ADGB: variants seen among roughly 807,000 people sequenced by gnomAD.
ADGB encodes the protein calpain-7-like protein.
Under a neutral mutation model 210.5 loss-of-function variants are expected in ADGB, and 172 were observed. The ratio of observed to expected loss-of-function variants is 0.82; its 90% confidence interval spans 0.72 to 0.93. The LOEUF (loss-of-function observed/expected upper bound fraction) is 0.93, where lower values mean the gene tolerates loss of function less well. ADGB is among the 40% of genes least tolerant of loss of function. The pLI is 0.00. For missense variants in ADGB, 2,025 were observed against 1,964.8 expected (o/e 1.03, Z -0.58); for synonymous variants, 658 against 662.7 (o/e 0.99, Z 0.11).
chr6:146,622,052 A>G (rs941788586), intron 1 of ADGB, among the ~76,000 whole-genome samples: 1 of 152,140 alleles, frequency 6.6e-6, no homozygotes, highest in Non-Finnish European at 1.5e-5. Context: ...AACACTTGAC[A>G]TGGTTTATCT....
intron 9 of ADGB, among the ~76,000 whole-genome samples, 190 bp downstream of exon 9, chr6:146,676,631 GT>G (rs1365387303): frequency 2.0e-5 from 3 of 152,172 alleles, no homozygotes; most frequent in Non-Finnish European, 4.4e-5. Flanking sequence ...GAAGCCTGTT[GT>G]CCAAATTACA....
At chr6:146,607,728 C>A (rs1402623948) in intron 1 of ADGB, among the ~76,000 whole-genome samples, 1 of 152,104 alleles carries the variant, frequency 6.6e-6, no homozygotes, top group African/African-American at 2.4e-5. Flanking sequence ...ACCTTGCATC[C>A]CATGAATAAT....
chr6:146,733,245 G>A lies in ADGB; in HGVS notation c.2646G>A (p.Glu882=). 2 of 1,521,194 alleles carry A rather than the reference G, an allele frequency of 1.3e-6. No homozygotes were observed. Among genetic ancestry groups the A allele is most frequent in the South Asian group, 1.3e-5 (1 of 78,164 alleles). 94.2% of individuals were successfully genotyped at this position (1,521,194 alleles called of 1,614,324 possible). A position where few individuals can be genotyped will look rare whatever the true frequency, so the allele number is the denominator to read the frequency against. Residue 882 remains glutamate, a synonymous_variant, in exon 21 of 36, where the codon GAG becomes GAA. Transcript: ENST00000397944. ...AGTTACTCAATTCCTCCTTGGAAGA[G>A]GTTTCTTTAGGTACCCATGAATTGT... ...DLELLNSSLE[E]VSLVEWLDVK...
intron 11 of ADGB, among the ~76,000 whole-genome samples, chr6:146,691,497 TATA>T (rs1421412547): frequency 8.1e-4 from 21 of 25,922 alleles, no homozygotes; most frequent in Non-Finnish European, 1.1e-3. Flanking sequence ...TATATATATA[TATA>T]TTTTTTTTTT....
intron 12 of ADGB, among the ~76,000 whole-genome samples, chr6:146,699,945 A>T (rs1776466291): frequency 6.6e-6 from 1 of 152,184 alleles, no homozygotes; most frequent in Non-Finnish European, 1.5e-5. Flanking sequence ...TGAAATTCTA[A>T]TACCCAGATA....
intron 1 of ADGB, among the ~76,000 whole-genome samples, chr6:146,602,598 G>A (rs1195742675): frequency 6.6e-6 from 1 of 152,176 alleles, no homozygotes; most frequent in Admixed American, 6.5e-5. Flanking sequence ...CAGTTCTGGA[G>A]GCTAGAAGTC....
intron 1 of ADGB, among the ~76,000 whole-genome samples, chr6:146,610,951 T>C (rs1322754088): frequency 6.6e-6 from 1 of 152,056 alleles, no homozygotes; most frequent in Non-Finnish European, 1.5e-5. Flanking sequence ...GGGGTCTGCA[T>C]GTGTGCTCAT....
chr6:146,769,969 C>T (rs1170408336), intron 29 of ADGB, among the ~76,000 whole-genome samples: 2 of 152,064 alleles, frequency 1.3e-5, no homozygotes, highest in Non-Finnish European at 1.5e-5. Flanking sequence ...TAGTCCTTTT[C>T]GTCCTCTAAG....
intron 13 of ADGB, among the ~76,000 whole-genome samples, chr6:146,706,845 G>T (rs1198493306): frequency 0.011 from 1,132 of 100,646 alleles, 9 homozygotes; most frequent in African/African-American, 0.043. Context: ...TCAGCTTAGT[G>T]TTTTTTTTTT....
At chr6:146,604,484 C>T (rs376123270) in intron 1 of ADGB, among the ~76,000 whole-genome samples, 1 of 151,980 alleles carries the variant, frequency 6.6e-6, no homozygotes, top group African/African-American at 2.4e-5. Context: ...GGCTTTTGGT[C>T]TCCCTGGGAG....
intron 26 of ADGB, among the ~76,000 whole-genome samples, chr6:146,747,745 A>G (rs1266925741): frequency 6.6e-6 from 1 of 150,626 alleles, no homozygotes; most frequent in Non-Finnish European, 1.5e-5. Context: ...TTTTAAAAAT[A>G]TATATATGCA....
chr6:146,752,950 C>T (rs540315901), intron 27 of ADGB, among the ~76,000 whole-genome samples: 113 of 151,930 alleles, frequency 7.4e-4, no homozygotes, highest in South Asian at 1.5e-3. Flanking sequence ...ATTATATGAG[C>T]CTTCTTAATA....
chr6:146,782,884 A>G (rs917443701), intron 30 of ADGB, among the ~76,000 whole-genome samples: 4 of 152,152 alleles, frequency 2.6e-5, no homozygotes, highest in South Asian at 4.1e-4. Flanking sequence ...AAAACAGCGC[A>G]CTCTAAACAA....
chr6:146,663,447 A>C (rs191726846), intron 5 of ADGB, among the ~76,000 whole-genome samples: 61 of 151,626 alleles, frequency 4.0e-4, no homozygotes, highest in African/African-American at 1.5e-3. Flanking sequence ...GAAGAGAAAA[A>C]CTTTGGTTTC....
At chr6:146,606,915 C>T (rs1335053151) in intron 1 of ADGB, among the ~76,000 whole-genome samples, 1 of 151,984 alleles carries the variant, frequency 6.6e-6, no homozygotes, top group African/African-American at 2.4e-5. Flanking sequence ...AATTTTATGA[C>T]TTTTTTTCCA....
Position 146,741,261 on chromosome 6 carries a change from C to T in ADGB, c.3167C>T (p.Thr1056Ile), listed in dbSNP as rs182875928. 215 of 1,550,236 alleles carry T rather than the reference C, an allele frequency of 1.4e-4. No individual in the cohort carries two copies. The East Asian group carries it at 5.0e-3, about 36-fold the overall frequency. ...CAAAAAGTGGTGCCTTATCTTTATA[C>T]CAAGAATAAGGTAGGTATAAAATTT... ...VFQKVVPYLY[T>I]KNKKGYTFVA... is the part of the protein sequence containing the mutation. Residue 1056 changes from threonine to isoleucine, a missense_variant, in exon 25 of 36, where the codon ACC becomes ATC. Thr to Ile is a moderately conservative substitution (Grantham distance 89, BLOSUM62 -1). Coordinates refer to ENST00000397944, the MANE Select transcript of ADGB (RefSeq NM_024694.4).
At chr6:146,674,243 AC>A (rs1163060100) in intron 8 of ADGB, among the ~76,000 whole-genome samples, 12 of 152,196 alleles carry the variant, frequency 7.9e-5, no homozygotes, top group Non-Finnish European at 1.6e-4. Flanking sequence ...TGTATAAACA[AC>A]CCTGTGAGAA....
chr6:146,614,986 C>T (rs979558386), intron 1 of ADGB, among the ~76,000 whole-genome samples: 3 of 152,212 alleles, frequency 2.0e-5, no homozygotes, highest in Non-Finnish European at 4.4e-5. Flanking sequence ...CTGCAGGCTT[C>T]GCCTCCCGGG....
chr6:146,768,985 CT>C, intron 28 of ADGB, 34 bp from the exon 29 acceptor site: 1 of 1,184,030 alleles, frequency 8.4e-7, no homozygotes, highest in Non-Finnish European at 1.2e-6. Context: ...CATGTATGTT[CT>C]TATCATTTTT....
Sources: gnomAD v4.1 joint callset for allele counts (sites outside exome capture counted in the v4.1 genomes callset) on GRCh38, gnomAD v4.1.1 for gene constraint, MANE v1.5 for transcripts, NCBI Gene and HGNC (gene_info 2026-07-23, HGNC 2026-07-21) for gene names.